SOX5: variants seen among roughly 807,000 people sequenced by gnomAD.
SOX5 encodes SRY-box transcription factor 5.
SOX5 carries 9 observed loss-of-function variants against 92.0 expected under a neutral mutation model. That is an observed-to-expected ratio of 0.10 (90% CI 0.06 to 0.17). SOX5 has a LOEUF of 0.17. SOX5 is among the 10% of genes least tolerant of loss of function. The pLI is 1.00. For synonymous variants in SOX5, 344 were observed against 336.3 expected (o/e 1.02, Z -0.25); for missense variants, 642 against 944.5 (o/e 0.68, Z 4.20).
intron 9 of SOX5, among the ~76,000 whole-genome samples, chr12:23,577,680 G>A (rs985189792): frequency 6.6e-6 from 1 of 151,874 alleles, no homozygotes; most frequent in East Asian, 1.9e-4. Context: ...ATTCAAATTA[G>A]CAATCTTCTA....
chr12:24,311,302 T>C (rs1053259523), intron 2 of SOX5, among the ~76,000 whole-genome samples: 22 of 152,244 alleles, frequency 1.4e-4, no homozygotes, highest in African/African-American at 5.3e-4. Context: ...CATAAAAATA[T>C]AGTTTTTCCT....
chr12:24,250,201 GT>G (rs1939754705), intron 3 of SOX5, among the ~76,000 whole-genome samples: 1 of 152,162 alleles, frequency 6.6e-6, no homozygotes, highest in South Asian at 2.1e-4. Flanking sequence ...TGATGGTAAA[GT>G]TTTTGTTCTG....
chr12:24,234,860 A>G (rs1313390776), intron 3 of SOX5, among the ~76,000 whole-genome samples: 1 of 152,096 alleles, frequency 6.6e-6, no homozygotes, highest in Non-Finnish European at 1.5e-5. Flanking sequence ...GCTTGTCCCA[A>G]GTGAGGTGGG....
chr12:24,550,803 T>G (rs1953078080), intron 1 of SOX5, among the ~76,000 whole-genome samples: 2 of 152,244 alleles, frequency 1.3e-5, no homozygotes, highest in African/African-American at 4.8e-5. Flanking sequence ...CTTGTATTGC[T>G]AATTCTTTAC....
chr12:23,776,782 G>C lies in SOX5; in HGVS notation c.482-21058C>G, dbSNP rs973284869. ...GTGCCTATAAGAATCTAATGCTGCT[G>C]ATGATCTGACAGAAGGAGGAGCTCA... On this transcript the variant is annotated intron_variant, in intron 3 of 14. Coordinates refer to ENST00000451604, the MANE Select transcript of SOX5 (RefSeq NM_006940.6). Among the ~76,000 whole-genome samples the C allele has an allele frequency of 3.3e-5, 5 of 152,070 alleles. No homozygotes were observed. In the East Asian group the frequency reaches 7.7e-4, roughly 23 times the overall value.
chr12:24,167,135 TACG>T (rs1293028910), intron 4 of SOX5, among the ~76,000 whole-genome samples: 3 of 152,250 alleles, frequency 2.0e-5, no homozygotes, highest in South Asian at 4.1e-4. Flanking sequence ...GTCTGTGTAA[TACG>T]ACAAGGACCA....
At chr12:23,892,920 T>G (rs929021072) in intron 2 of SOX5, among the ~76,000 whole-genome samples, 1 of 152,192 alleles carries the variant, frequency 6.6e-6, no homozygotes, top group African/African-American at 2.4e-5. Context: ...TAAGAAACTC[T>G]TGCTTTAGAG....
intron 2 of SOX5, 38 bp from the exon 3 acceptor site, chr12:23,846,231 T>G (rs1568297461): frequency 2.8e-6 from 4 of 1,452,524 alleles, no homozygotes; most frequent in Non-Finnish European, 3.9e-6. Context: ...ATTGTTTACC[T>G]GAAAGAGAGA....
rs78255536 is a variant in SOX5 at position 24,429,625 on chromosome 12, T to C, written c.-250-60986A>G. On this transcript the variant is annotated intron_variant, in intron 1 of 4. Coordinates refer to the SOX5 transcript ENST00000446891. Reference sequence around the variant, plus strand: ...GGAAACACACATACACACACACACATACACACACACACACACACACACACA... The same window carrying C: ...GGAAACACACATACACACACACACACACACACACACACACACACACACACA... Among the ~76,000 whole-genome samples, 678 of 140,718 alleles carry C rather than the reference T, an allele frequency of 4.8e-3. 7 individuals are homozygous for C. The East Asian group carries it at 0.051, about 11-fold the overall frequency. 92.3% of individuals were successfully genotyped at this position (140,718 alleles called of 152,430 possible).
intron 1 of SOX5, among the ~76,000 whole-genome samples, chr12:24,476,003 A>AAT (rs1566258874): frequency 7.2e-4 from 104 of 145,118 alleles, no homozygotes; most frequent in African/African-American, 1.9e-3. Context: ...TAAAAAAAAA[A>AAT]AAAAAAAAAA....
At chr12:24,184,399 T>C (rs2139324088) in intron 4 of SOX5, among the ~76,000 whole-genome samples, 1 of 152,230 alleles carries the variant, frequency 6.6e-6, no homozygotes, top group Middle Eastern at 3.4e-3. Flanking sequence ...TCAATACTGA[T>C]AAATGTAAAG....
chr12:23,596,337 A>G, intron 9 of SOX5, among the ~76,000 whole-genome samples: 1 of 152,184 alleles, frequency 6.6e-6, no homozygotes, highest in Non-Finnish European at 1.5e-5. Context: ...TTGCATATAT[A>G]CTATTTTCCA....
intron 6 of SOX5, among the ~76,000 whole-genome samples, chr12:23,729,451 C>T (rs967390756): frequency 2.6e-5 from 4 of 152,164 alleles, no homozygotes; most frequent in Admixed American, 6.6e-5. Context: ...TTCCTTCCTA[C>T]ATACTATGCA....
chr12:23,869,803 T>G (rs12810876), intron 2 of SOX5, among the ~76,000 whole-genome samples: 57,394 of 151,898 alleles, frequency 0.38, 12,021 homozygotes, highest in Non-Finnish European at 0.49. Context: ...TGTCAGAAAG[T>G]ATTGTTCTTC....
chr12:24,063,354 C>T (rs1314980437), intron 4 of SOX5, among the ~76,000 whole-genome samples: 1 of 152,170 alleles, frequency 6.6e-6, no homozygotes, highest in East Asian at 1.9e-4. Flanking sequence ...AGATAGACAA[C>T]AATCAGACAT....
At chr12:23,852,963 G>C (rs150564601) in intron 2 of SOX5, among the ~76,000 whole-genome samples, 2 of 152,054 alleles carry the variant, frequency 1.3e-5, no homozygotes, top group East Asian at 1.9e-4. Flanking sequence ...AGAAGGAAAG[G>C]GGGGAATGAT....
At chr12:23,883,862 C>T (rs535314640) in intron 2 of SOX5, among the ~76,000 whole-genome samples, 4 of 152,108 alleles carry the variant, frequency 2.6e-5, no homozygotes, top group Non-Finnish European at 5.9e-5. Flanking sequence ...TTTTTAATAA[C>T]TGAATCTGTT....
At chr12:24,259,829 T>C (rs1272996327) in intron 3 of SOX5, among the ~76,000 whole-genome samples, 1 of 152,202 alleles carries the variant, frequency 6.6e-6, no homozygotes, top group African/African-American at 2.4e-5. Flanking sequence ...CTGTTAGTGT[T>C]CATCGTGTAT....
At chr12:24,408,397 A>G (rs1963424570) in intron 1 of SOX5, among the ~76,000 whole-genome samples, 1 of 152,226 alleles carries the variant, frequency 6.6e-6, no homozygotes, top group South Asian at 2.1e-4. Context: ...GCCTTTACCC[A>G]GTTTCCCTCA....
Sources: gnomAD v4.1 joint callset for allele counts (sites outside exome capture counted in the v4.1 genomes callset) on GRCh38, gnomAD v4.1.1 for gene constraint, MANE v1.5 for transcripts, NCBI Gene and HGNC (gene_info 2026-07-23, HGNC 2026-07-21) for gene names.